Variants in KCNQ5 observed in about 807,000 individuals in gnomAD.
KCNQ5 encodes the protein potassium voltage-gated channel subfamily KQT member 5.
In KCNQ5, 30 loss-of-function variants were observed where a neutral mutation model predicts 98.2. That is an observed-to-expected ratio of 0.31 (90% CI 0.23 to 0.41). The LOEUF is 0.41. Ranked by LOEUF, KCNQ5 falls within the 10% of genes least tolerant of loss-of-function variation. The pLI, the probability that KCNQ5 is intolerant of heterozygous loss-of-function variation, is 1.00. For missense variants in KCNQ5, 835 were observed against 1,182.5 expected (o/e 0.71, Z 4.31); for synonymous variants, 458 against 449.4 (o/e 1.02, Z -0.24).
chr6:73,175,761 T>G (rs1328961749), intron 11 of KCNQ5, among the ~76,000 whole-genome samples: 1 of 152,158 alleles, frequency 6.6e-6, no homozygotes, highest in African/African-American at 2.4e-5. Context: ...CTTAGAGTTG[T>G]GAGGAACTAC....
At chr6:72,855,219 A>T (rs758720168) in intron 1 of KCNQ5, among the ~76,000 whole-genome samples, 106 of 152,254 alleles carry the variant, frequency 7.0e-4, no homozygotes, top group African/African-American at 2.4e-3. Context: ...CTAGCATTTT[A>T]AACACGATAA....
intron 1 of KCNQ5, among the ~76,000 whole-genome samples, chr6:72,809,061 A>T (rs1775099772): frequency 6.6e-6 from 1 of 151,906 alleles, no homozygotes; most frequent in Non-Finnish European, 1.5e-5. Flanking sequence ...CTATGCAGCC[A>T]TAAAAAAATG....
At chr6:73,092,203 G>C (rs1774285049) in intron 5 of KCNQ5, among the ~76,000 whole-genome samples, 1 of 151,996 alleles carries the variant, frequency 6.6e-6, no homozygotes, top group African/African-American at 2.4e-5. Flanking sequence ...GTATAGAAGA[G>C]ATACTGATTT....
intron 1 of KCNQ5, among the ~76,000 whole-genome samples, chr6:72,783,268 G>A (rs1014283065): frequency 6.6e-6 from 1 of 152,152 alleles, no homozygotes; most frequent in African/African-American, 2.4e-5. Flanking sequence ...TGGACTCTCA[G>A]TAAAGGAAAT....
chr6:73,012,793 C>A (rs1283510701), intron 2 of KCNQ5, among the ~76,000 whole-genome samples: 1 of 151,896 alleles, frequency 6.6e-6, no homozygotes, highest in Non-Finnish European at 1.5e-5. Flanking sequence ...CAAACCTGCA[C>A]ATCCTGCACG....
intron 1 of KCNQ5, among the ~76,000 whole-genome samples, chr6:72,772,613 G>A (rs865776895): frequency 4.6e-5 from 7 of 152,146 alleles, no homozygotes; most frequent in Non-Finnish European, 8.8e-5. Flanking sequence ...TGTAGGGAAA[G>A]TGCTATGCAT....
At chr6:72,757,848 G>T (rs1772049400) in intron 1 of KCNQ5, among the ~76,000 whole-genome samples, 1 of 152,020 alleles carries the variant, frequency 6.6e-6, no homozygotes, top group Non-Finnish European at 1.5e-5. Context: ...GAAAATTAAA[G>T]ATATTAATTA....
intron 1 of KCNQ5, among the ~76,000 whole-genome samples, chr6:72,977,398 C>G (rs763363667): frequency 1.1e-4 from 16 of 152,128 alleles, no homozygotes; most frequent in Non-Finnish European, 1.8e-4. Context: ...ACCAGCCGGA[C>G]CTGCCTAGAA....
intron 1 of KCNQ5, among the ~76,000 whole-genome samples, chr6:72,848,777 A>G (rs2150140118): frequency 6.6e-6 from 1 of 152,186 alleles, no homozygotes; most frequent in Non-Finnish European, 1.5e-5. Flanking sequence ...GTGAGTTCTC[A>G]CGAGATCTAA....
chr6:72,897,615 A>G (rs1779303610), intron 1 of KCNQ5, among the ~76,000 whole-genome samples: 1 of 152,186 alleles, frequency 6.6e-6, no homozygotes, highest in African/African-American at 2.4e-5. Flanking sequence ...TAACTAAGAT[A>G]ACACATATGA....
At position 73,126,184 on chromosome 6, in the gene KCNQ5, T is replaced by C. The variant is rs147421855; in HGVS notation, c.1247+1672T>C. Among the ~76,000 whole-genome samples the C allele has an allele frequency of 5.3e-5, 8 of 152,316 alleles. No homozygotes were observed. In the East Asian group the frequency reaches 1.5e-3, roughly 29 times the overall value. On this transcript the variant is annotated intron_variant, in intron 9 of 13. Transcript: ENST00000370398. ...TCCATTTACTAATTATCTCAAAGGG[T>C]GATCTGCCTCCAAATCCAAAGGACA...
At chr6:72,802,202 G>T (rs920277400) in intron 1 of KCNQ5, among the ~76,000 whole-genome samples, 2 of 152,064 alleles carry the variant, frequency 1.3e-5, no homozygotes, top group South Asian at 4.2e-4. Context: ...AGTTCTCCTG[G>T]ATAATATCCT....
At position 73,043,515 on chromosome 6, in the gene KCNQ5, T is replaced by G. The variant is rs1248894983; in HGVS notation, c.616+1453T>G. On this transcript the variant is annotated intron_variant, in intron 3 of 13. Coordinates refer to ENST00000370398, the MANE Select transcript of KCNQ5 (RefSeq NM_019842.4). ...GGCATTAGATTTTTCTCCCTGGAGA[T>G]GCTTTTTTCTCTCTGAATTCTCTAC... is the stretch of plus-strand genomic sequence containing the variant. Among the ~76,000 whole-genome samples the G allele has an allele frequency of 3.9e-5, 6 of 152,326 alleles. No individual in the cohort carries two copies. In the South Asian group the frequency reaches 1.2e-3, roughly 32 times the overall value.
intron 1 of KCNQ5, among the ~76,000 whole-genome samples, chr6:72,636,103 CT>C (rs2098923968): frequency 1.3e-5 from 2 of 152,004 alleles, no homozygotes; most frequent in South Asian, 4.2e-4. Flanking sequence ...AAGTTGACTA[CT>C]TTGAAAGTTG....
chr6:72,652,429 TC>T (rs1158120630), intron 1 of KCNQ5, among the ~76,000 whole-genome samples: 1 of 151,778 alleles, frequency 6.6e-6, no homozygotes, highest in Non-Finnish European at 1.5e-5. Context: ...TCCTGGTTTT[TC>T]CCCCTCCCTC....
Position 73,187,594 on chromosome 6 carries a change from A to C in KCNQ5, c.1578-2979A>C, listed in dbSNP as rs149890549. On this transcript the variant is annotated intron_variant, in intron 11 of 13. Coordinates refer to ENST00000370398, the MANE Select transcript of KCNQ5 (RefSeq NM_019842.4). ...TATAAAAATAAATGATAAACCTATTAAGAGTTTTAAAATCTACTCTGTTTT... is the reference window on the plus strand; with the variant it reads ...TATAAAAATAAATGATAAACCTATTCAGAGTTTTAAAATCTACTCTGTTTT... Among the ~76,000 whole-genome samples, 228 of 152,352 alleles carry C rather than the reference A, an allele frequency of 1.5e-3. 3 individuals are homozygous for C. Among genetic ancestry groups the C allele is most frequent in the Admixed American group, 3.3e-3 (50 of 15,306 alleles).
At chr6:73,049,158 C>T (rs1456216152) in intron 3 of KCNQ5, among the ~76,000 whole-genome samples, 1 of 152,008 alleles carries the variant, frequency 6.6e-6, no homozygotes, top group Non-Finnish European at 1.5e-5. Flanking sequence ...CTTTGTGGTG[C>T]CTTTTTTATT....
chr6:73,055,636 T>C, intron 3 of KCNQ5: 1 of 1,180,580 alleles, frequency 8.5e-7, no homozygotes, highest in Non-Finnish European at 1.3e-6. Flanking sequence ...GGGTACTGAC[T>C]GCAGCCCATG....
At chr6:72,750,511 A>T (rs1261124581) in intron 1 of KCNQ5, among the ~76,000 whole-genome samples, 1 of 152,060 alleles carries the variant, frequency 6.6e-6, no homozygotes, top group Non-Finnish European at 1.5e-5. Flanking sequence ...GATGTCGGTT[A>T]TAGACTGAGC....
Sources: gnomAD v4.1 joint callset for allele counts (sites outside exome capture counted in the v4.1 genomes callset) on GRCh38, gnomAD v4.1.1 for gene constraint, MANE v1.5 for transcripts, NCBI Gene and HGNC (gene_info 2026-07-23, HGNC 2026-07-21) for gene names.